Variants in HPS1 observed in about 807,000 individuals in gnomAD.
The protein encoded by HPS1 is BLOC-3 complex member HPS1.
HPS1 carries 59 observed loss-of-function variants against 90.6 expected under a neutral mutation model. The observed-to-expected ratio is 0.65, with a 90% confidence interval of 0.53 to 0.81. The LOEUF is 0.81. Ranked by LOEUF, HPS1 falls within the 30% of genes least tolerant of loss-of-function variation. The probability of loss-of-function intolerance (pLI) is 0.00; values close to 1 mark genes in which losing one functional copy is unlikely to be tolerated. For missense variants in HPS1, 849 were observed against 896.7 expected (o/e 0.95, Z 0.68); for synonymous variants, 388 against 384.4 (o/e 1.01, Z -0.11).
Position 98,429,585 on chromosome 10 carries a change from C to G in HPS1, c.925G>C (p.Asp309His), listed in dbSNP as rs778660653. The G allele has an allele frequency of 6.2e-7, 1 of 1,614,180 alleles. No homozygotes were observed. Among genetic ancestry groups the G allele is most frequent in the Non-Finnish European group, 8.5e-7 (1 of 1,180,032 alleles). ...CTCCGGTCCTCACCTGAGCTCTGAT[C>G]GCCAGGGGAAGGAGCTGGTGTGAAG... Reference protein sequence around the residue: ...EYFTPAPSPGDQSSGSTIWLE... With the variant: ...EYFTPAPSPGHQSSGSTIWLE... Residue 309 changes from aspartate to histidine, a missense_variant, in exon 10 of 20, where the codon GAT (aspartate) becomes CAT (histidine). Transcript: ENST00000361490.
At chr10:98,433,930 C>G in intron 6 of HPS1, 53 bp downstream of exon 6, 1 of 1,548,210 alleles carries the variant, frequency 6.5e-7, no homozygotes, top group Non-Finnish European at 8.7e-7. Context: ...AGGTGGACGC[C>G]CCCTCTGACC....
chr10:98,442,110 G>T (rs1157169843), intron 3 of HPS1, among the ~76,000 whole-genome samples: 1 of 152,170 alleles, frequency 6.6e-6, no homozygotes, highest in East Asian at 1.9e-4. Context: ...AACAAATGGT[G>T]GCATCCTGAT....
chr10:98,426,186 C>A, intron 11 of HPS1: 1 of 581,476 alleles, frequency 1.7e-6, no homozygotes, highest in Non-Finnish European at 3.1e-6. Context: ...CTGGGCCTTT[C>A]TGCCCAGAGT....
At chr10:98,419,007 G>T (rs1432649549) in intron 18 of HPS1, among the ~76,000 whole-genome samples, 1 of 152,340 alleles carries the variant, frequency 6.6e-6, no homozygotes, top group East Asian at 1.9e-4. Flanking sequence ...TTGGGCTCCG[G>T]CTTCCTCACT....
intron 7 of HPS1, 100 bp downstream of exon 7, chr10:98,431,031 T>G: frequency 8.0e-7 from 1 of 1,244,716 alleles, no homozygotes; most frequent in Non-Finnish European, 1.2e-6. Flanking sequence ...ATGGAGGAGG[T>G]GATTCTTGGC....
chr10:98,443,962 G>A (rs981656380), intron 2 of HPS1, among the ~76,000 whole-genome samples: 14 of 152,002 alleles, frequency 9.2e-5, no homozygotes, highest in Admixed American at 3.3e-4. Flanking sequence ...GCTTGAACCC[G>A]GGAGGCAGAG....
At chr10:98,434,538 C>T (rs540478951) in intron 5 of HPS1, among the ~76,000 whole-genome samples, 17 of 151,428 alleles carry the variant, frequency 1.1e-4, no homozygotes, top group African/African-American at 4.1e-4. Context: ...GCCACTGACA[C>T]CATGACCTAT....
intron 13 of HPS1, 49 bp from the exon 14 acceptor site, chr10:98,424,423 G>A (rs762418018): frequency 1.6e-5 from 25 of 1,529,144 alleles, no homozygotes; most frequent in African/African-American, 4.1e-5. Context: ...TATTTCCAGT[G>A]AGGTCCAGGC....
chr10:98,414,569 G>A (rs1397621398), downstream of HPS1, among the ~76,000 whole-genome samples: 2 of 152,194 alleles, frequency 1.3e-5, no homozygotes, highest in South Asian at 4.1e-4. Flanking sequence ...GGCCTCAGTG[G>A]TAAGGTAGTG....
In HPS1 at chr10:98,418,107, C is replaced by T. The variant is rs998897755; in HGVS notation, c.1940+68G>A. 6 of 1,051,674 alleles carry T rather than the reference C, an allele frequency of 5.7e-6. No homozygotes were observed. In the African/African-American group the frequency reaches 6.3e-5, roughly 11 times the overall value. The allele number at this position is 1,051,674 out of a possible 1,614,324, so 65.1% of individuals were successfully genotyped here. A position where few individuals can be genotyped will look rare whatever the true frequency, so the allele number is the denominator to read the frequency against. On this transcript the variant is annotated intron_variant, in intron 19 of 19. Coordinates refer to ENST00000361490, the MANE Select transcript of HPS1 (RefSeq NM_000195.5). ...GCACTGCTGAAGCAGAAGCTGCTCC[C>T]GGCAGAGGCGAGCACTTATCACCCA...
intron 1 of HPS1, among the ~76,000 whole-genome samples, chr10:98,446,430 C>T (rs1176157790): frequency 1.3e-5 from 2 of 152,228 alleles, no homozygotes; most frequent in Non-Finnish European, 2.9e-5. Flanking sequence ...CCCCCAGCGC[C>T]CACTTTCACC....
intron 11 of HPS1, 41 bp from the exon 12 acceptor site, chr10:98,426,026 A>T (rs1266666280): frequency 6.3e-7 from 1 of 1,578,084 alleles, no homozygotes; most frequent in Admixed American, 1.7e-5. Context: ...TGGGATCCCT[A>T]AGTTGGACCC....
chr10:98,421,229 A>C (rs966648664), intron 17 of HPS1, among the ~76,000 whole-genome samples: 2 of 152,382 alleles, frequency 1.3e-5, no homozygotes, highest in Middle Eastern at 6.8e-3. Context: ...TTTTCAGGAA[A>C]GTAATTTGAC....
chr10:98,436,274 TAGC>T (rs1351611571), intron 3 of HPS1, among the ~76,000 whole-genome samples: 4 of 152,090 alleles, frequency 2.6e-5, no homozygotes, highest in African/African-American at 9.7e-5. Context: ...GTTAAATAAA[TAGC>T]AGCACATCAA....
chr10:98,444,514 C>G (rs753313756), intron 2 of HPS1, among the ~76,000 whole-genome samples: 1 of 152,186 alleles, frequency 6.6e-6, no homozygotes, highest in Non-Finnish European at 1.5e-5. Flanking sequence ...CTCAGGGTGT[C>G]ACGCAGATAT....
At chr10:98,421,240 A>G (rs1332241390) in intron 17 of HPS1, among the ~76,000 whole-genome samples, 1 of 152,264 alleles carries the variant, frequency 6.6e-6, no homozygotes, top group East Asian at 1.9e-4. Context: ...GTAATTTGAC[A>G]ACATCCATCA....
intron 11 of HPS1, 79 bp from the exon 12 acceptor site, chr10:98,426,064 CAAGA>C: frequency 7.9e-7 from 1 of 1,266,760 alleles, no homozygotes; most frequent in Middle Eastern, 2.5e-4. Flanking sequence ...CTGTGAACCA[CAAGA>C]AATAATCATT....
At chr10:98,424,929 A>G (rs1051851995) in intron 13 of HPS1, among the ~76,000 whole-genome samples, 1 of 152,120 alleles carries the variant, frequency 6.6e-6, no homozygotes, top group African/African-American at 2.4e-5. Flanking sequence ...CAGCTCCTCA[A>G]ACACCAGGCG....
At position 98,429,801 on chromosome 10, in the gene HPS1, G is replaced by C. The variant is rs1467186253; in HGVS notation, c.857C>G (p.Ser286Cys). Residue 286 changes from serine to cysteine, a missense_variant, in exon 9 of 20, where the codon TCT becomes TGT. Coordinates refer to ENST00000361490, the MANE Select transcript of HPS1 (RefSeq NM_000195.5). ...GTGCACAGCACACACCGTCTCTGCA[G>C]AGCTCCCCCCAGTTGGGCCCGTGGA... The part of the protein sequence containing the change: ...PHSTGPTGGS[S>C]AETETDSFSL... 1.2e-6 allele frequency: 2 copies of C among 1,613,892 alleles called. No individual in the cohort carries two copies. The highest frequency in any genetic ancestry group is 1.7e-5 in the Admixed American group (1 of 60,032).
Sources: allele counts gnomAD v4.1 joint callset (sites outside exome capture counted in the v4.1 genomes callset), GRCh38; gene constraint gnomAD v4.1.1; transcripts MANE v1.5; gene names NCBI Gene and HGNC (gene_info 2026-07-23, HGNC 2026-07-21).